SH3BGRL2: variants seen among roughly 807,000 people sequenced by gnomAD.
SH3BGRL2 encodes SH3 domain binding glutamate rich protein like 2, also known as SH3 domain-binding glutamic acid-rich-like protein 2.
A neutral mutation model predicts 14.8 loss-of-function variants in SH3BGRL2; 21 were observed. The observed-to-expected ratio is 1.42, with a 90% CI of 1.01 to 2.05. The LOEUF is 2.05. Ranked by LOEUF, SH3BGRL2 falls within the 30% of genes most tolerant of loss-of-function variation. The pLI is 0.00. For missense variants in SH3BGRL2, 147 were observed against 130.8 expected (o/e 1.12, Z -0.61); for synonymous variants, 50 against 47.8 (o/e 1.05, Z -0.19).
In SH3BGRL2 at chr6:79,703,616, GT is replaced by G. The variant is rs1770514032; in HGVS notation, c.*4108del. On this transcript the variant is annotated 3_prime_UTR_variant, in exon 4 of 4. Coordinates refer to ENST00000369838, the MANE Select transcript of SH3BGRL2 (RefSeq NM_031469.4). The stretch of plus-strand genomic sequence containing the variant: ...TTGTCTTTCATCACTTTATCTCCAT[GT>G]ATGTATCCTTAAAGAATAATAAATG... 1 of 152,000 alleles carries G rather than the reference GT, an allele frequency of 6.6e-6. No homozygotes were observed. Among genetic ancestry groups the G allele is most frequent in the Non-Finnish European group, 1.5e-5 (1 of 68,006 alleles). The allele number at this position is 152,000 out of a possible 1,614,324, so 9.4% of individuals were successfully genotyped here. A position where few individuals can be genotyped will look rare whatever the true frequency, so the allele number is the denominator to read the frequency against.
At chr6:79,633,209 G>C (rs1201737160) in intron 1 of SH3BGRL2, among the ~76,000 whole-genome samples, 3 of 152,138 alleles carry the variant, frequency 2.0e-5, no homozygotes, top group Admixed American at 6.5e-5. Context: ...TTAAGTTTTA[G>C]TGTGGGCCCC....
chr6:79,616,918 TG>T, the SH3BGRL2 span, among the ~76,000 whole-genome samples: 2 of 152,212 alleles, frequency 1.3e-5, no homozygotes, highest in African/African-American at 2.4e-5. Context: ...CTGGGTGCAG[TG>T]GCTCATGCCT....
At chr6:79,541,501 A>T in the SH3BGRL2 span, among the ~76,000 whole-genome samples, 1 of 152,164 alleles carries the variant, frequency 6.6e-6, no homozygotes, top group Non-Finnish European at 1.5e-5. Context: ...TATTTAAGGC[A>T]GGCTTTCCCT....
the SH3BGRL2 span, among the ~76,000 whole-genome samples, chr6:79,578,537 A>G: frequency 1.3e-5 from 2 of 151,738 alleles, no homozygotes; most frequent in Admixed American, 1.3e-4. Flanking sequence ...GCAAACCCCA[A>G]CAGATCTGCA....
intron 1 of SH3BGRL2, among the ~76,000 whole-genome samples, chr6:79,650,562 G>A (rs556530710): frequency 1.5e-4 from 23 of 152,260 alleles, no homozygotes; most frequent in African/African-American, 3.1e-4. Flanking sequence ...ATTCATGCCA[G>A]GCATCACATG....
intron 1 of SH3BGRL2, among the ~76,000 whole-genome samples, chr6:79,636,543 A>G (rs902820972): frequency 2.0e-5 from 3 of 152,072 alleles, no homozygotes; most frequent in East Asian, 1.9e-4. Flanking sequence ...GAAAGTTTGT[A>G]TATTAGTTCT....
the SH3BGRL2 span, among the ~76,000 whole-genome samples, chr6:79,548,297 T>A: frequency 1.3e-5 from 2 of 152,244 alleles, no homozygotes; most frequent in Admixed American, 1.3e-4. Flanking sequence ...AATTTTTAAA[T>A]CTTTATTATA....
the SH3BGRL2 span, among the ~76,000 whole-genome samples, chr6:79,583,453 TA>T: frequency 8.5e-3 from 1,300 of 152,224 alleles, 25 homozygotes; most frequent in African/African-American, 0.029. Context: ...TATGCAGCCA[TA>T]AAAAAGATGA....
chr6:79,659,040 G>C (rs150281151), intron 1 of SH3BGRL2, among the ~76,000 whole-genome samples: 2 of 151,946 alleles, frequency 1.3e-5, no homozygotes, highest in South Asian at 2.1e-4. Flanking sequence ...GGATATTAGC[G>C]CTTTGTCAGA....
intron 1 of SH3BGRL2, among the ~76,000 whole-genome samples, chr6:79,635,400 G>A (rs1321383104): frequency 6.6e-6 from 1 of 152,232 alleles, no homozygotes; most frequent in Non-Finnish European, 1.5e-5. Context: ...GATTCCTGAT[G>A]TCTGAATGCA....
chr6:79,571,502 A>G, the SH3BGRL2 span, among the ~76,000 whole-genome samples: 32 of 152,212 alleles, frequency 2.1e-4, no homozygotes, highest in African/African-American at 7.7e-4. Flanking sequence ...TTATTGAGGT[A>G]TAATTGGCAA....
chr6:79,633,565 T>C (rs1318627808), intron 1 of SH3BGRL2, among the ~76,000 whole-genome samples: 2 of 152,146 alleles, frequency 1.3e-5, no homozygotes, highest in African/African-American at 4.8e-5. Flanking sequence ...ATGGTTTCAT[T>C]TGAGTTAGAA....
chr6:79,570,644 G>C, the SH3BGRL2 span, among the ~76,000 whole-genome samples: 18 of 152,146 alleles, frequency 1.2e-4, no homozygotes. Flanking sequence ...AACCCTGCCA[G>C]AACTGGGACC....
At chr6:79,675,862 CTT>C (rs1219684366) in intron 2 of SH3BGRL2, among the ~76,000 whole-genome samples, 1 of 148,724 alleles carries the variant, frequency 6.7e-6, no homozygotes, top group Non-Finnish European at 1.5e-5. Flanking sequence ...TTTTTTTTCA[CTT>C]TGTTTTGGTT....
At chr6:79,654,280 T>G (rs796996435) in intron 1 of SH3BGRL2, among the ~76,000 whole-genome samples, 21 of 152,286 alleles carry the variant, frequency 1.4e-4, no homozygotes, top group African/African-American at 4.6e-4. Flanking sequence ...GTAAGAATAT[T>G]TGGTGTGGCA....
At chr6:79,564,893 G>T in the SH3BGRL2 span, among the ~76,000 whole-genome samples, 1 of 152,058 alleles carries the variant, frequency 6.6e-6, no homozygotes, top group Admixed American at 6.5e-5. Context: ...TTCTGGCTCA[G>T]TATTTTCCCC....
rs565788022 is a variant in SH3BGRL2, at chr6:79,701,073, T to C, written c.*1564T>C. The C allele has an allele frequency of 6.6e-6, 1 of 152,162 alleles. No individual in the cohort carries two copies. The highest frequency in any genetic ancestry group is 1.5e-5 in the Non-Finnish European group (1 of 68,032). The allele number at this position is 152,162 out of a possible 1,614,324, so 9.4% of individuals were successfully genotyped here. A position where few individuals can be genotyped will look rare whatever the true frequency, so the allele number is the denominator to read the frequency against. On this transcript the variant is annotated 3_prime_UTR_variant, in exon 4 of 4. Coordinates refer to ENST00000369838, the MANE Select transcript of SH3BGRL2 (RefSeq NM_031469.4). Reference sequence around the variant, plus strand: ...GGCTGAAATCCCAACCTGAGATTTGTAGTCCAGGATTACAACCAGAAGGAA... The same window carrying C: ...GGCTGAAATCCCAACCTGAGATTTGCAGTCCAGGATTACAACCAGAAGGAA...
At chr6:79,625,193 TAC>T in the SH3BGRL2 span, among the ~76,000 whole-genome samples, 41 of 144,322 alleles carry the variant, frequency 2.8e-4, no homozygotes, top group African/African-American at 1.1e-3. Flanking sequence ...AATATATATA[TAC>T]ACACACACAT....
At chr6:79,543,583 C>T in the SH3BGRL2 span, among the ~76,000 whole-genome samples, 1 of 152,164 alleles carries the variant, frequency 6.6e-6, no homozygotes, top group Non-Finnish European at 1.5e-5. Flanking sequence ...TGTTAAATGG[C>T]ATCAATCAGT....
Sources: gnomAD v4.1 joint callset for allele counts (sites outside exome capture counted in the v4.1 genomes callset) on GRCh38, gnomAD v4.1.1 for gene constraint, MANE v1.5 for transcripts, NCBI Gene and HGNC (gene_info 2026-07-23, HGNC 2026-07-21) for gene names.